Variants in RUNX3 observed in about 807,000 individuals in gnomAD.
RUNX3 encodes RUNX family transcription factor 3.
A neutral mutation model predicts 27.7 loss-of-function variants in RUNX3; 10 were observed. The ratio of observed to expected loss-of-function variants is 0.36; its 90% CI spans 0.22 to 0.61. The LOEUF is 0.61. Among genes scored for constraint, RUNX3 ranks in the 20% least tolerant of loss-of-function variants. RUNX3 has a pLI of 0.72. For synonymous variants in RUNX3, 270 were observed against 269.2 expected, an observed-to-expected ratio of 1.00 and a Z score of -0.03; for missense variants, 469 against 629.5, an observed-to-expected ratio of 0.75 and a Z score of 2.73.
chr1:24,908,103 C>T (rs1388259100), intron 3 of RUNX3, among the ~76,000 whole-genome samples: 1 of 149,306 alleles, frequency 6.7e-6, no homozygotes, highest in Non-Finnish European at 1.5e-5. Context: ...TGATCCGAAC[C>T]TCTACGACAC....
intron 2 of RUNX3, among the ~76,000 whole-genome samples, chr1:24,952,145 C>T (rs537628141): frequency 6.6e-6 from 1 of 152,156 alleles, no homozygotes; most frequent in South Asian, 2.1e-4. Context: ...TGTGCTTTTC[C>T]CTTTTGTATT....
intron 3 of RUNX3, among the ~76,000 whole-genome samples, chr1:24,907,975 A>C (rs564668010): frequency 6.6e-6 from 1 of 151,954 alleles, no homozygotes; most frequent in Non-Finnish European, 1.5e-5. Flanking sequence ...CGGTGATCTA[A>C]ACCTCTACAA....
intron 2 of RUNX3, among the ~76,000 whole-genome samples, chr1:24,925,796 G>A (rs1641087781): frequency 6.6e-6 from 1 of 152,004 alleles, no homozygotes; most frequent in African/African-American, 2.4e-5. Context: ...TATAAACTCA[G>A]CCTCTTGCAT....
intron 3 of RUNX3, among the ~76,000 whole-genome samples, chr1:24,908,148 CG>C (rs1640714977): frequency 1.6e-5 from 2 of 125,334 alleles, no homozygotes; most frequent in Non-Finnish European, 1.6e-5. Flanking sequence ...CGCGGTGATC[CG>C]AACCTCTACG....
At chr1:24,960,337 A>G (rs1456262046) in intron 2 of RUNX3, among the ~76,000 whole-genome samples, 8 of 152,200 alleles carry the variant, frequency 5.3e-5, no homozygotes, top group Non-Finnish European at 7.3e-5. Context: ...TGTAACCCCT[A>G]CAGATGAGGA....
chr1:24,963,285 G>A (rs572870495), intron 2 of RUNX3, among the ~76,000 whole-genome samples: 4 of 152,320 alleles, frequency 2.6e-5, no homozygotes, highest in Admixed American at 6.5e-5. Context: ...TCCCTGCCCC[G>A]AGCCGGCCAC....
In RUNX3 at chr1:24,929,732, C is replaced by G; in HGVS notation, c.137G>C (p.Gly46Ala). ...CGAGCGCACCTCGGGCCGGGCGCGC[C>G]CTCCGGGCCCCACGGCCGCCTGCGC... ...LSAQAAVGPG[G>A]RARPEVRSMV... The change falls in exon 1 of 5, where the codon GGG becomes GCG. Residue 46 changes from glycine to alanine, a missense_variant. Around this residue, in one of 3 missense-constraint regions of RUNX3, gnomAD observed 115 missense variants for 118.0 expected, o/e 0.97. Coordinates refer to ENST00000308873, the MANE Select transcript of RUNX3 (RefSeq NM_004350.3). 1 of 1,489,984 alleles carries G rather than the reference C, an allele frequency of 6.7e-7. No individual in the cohort carries two copies. The highest frequency in any genetic ancestry group is 1.5e-5 in the African/African-American group (1 of 68,436). The allele number at this position is 1,489,984 out of a possible 1,614,324, so 92.3% of individuals were successfully genotyped here.
rs561122322 is a variant in RUNX3, at chr1:24,899,633, G to C, written c.*2489C>G. On this transcript the variant is annotated 3_prime_UTR_variant, in exon 5 of 5. Transcript: ENST00000308873. ...GTTGTGCGTTAAAAACAAACACCAA[G>C]CAAACGATAGTGCAAAGCAGTTTCC... The C allele has an allele frequency of 6.5e-6, 1 of 152,800 alleles. No individual in the cohort carries two copies. Among genetic ancestry groups the C allele is most frequent in the East Asian group, 1.9e-4 (1 of 5,328 alleles). 9.5% of individuals were successfully genotyped at this position (152,800 alleles called of 1,614,324 possible).
intron 1 of RUNX3, chr1:24,929,352 C>T (rs1224037295): frequency 1.0e-5 from 7 of 695,958 alleles, no homozygotes; most frequent in Non-Finnish European, 7.9e-6. Context: ...CAAGGCGCCC[C>T]AAAACCCAGG....
chr1:24,938,685 G>A (rs1220502568), intron 2 of RUNX3, among the ~76,000 whole-genome samples: 2 of 152,134 alleles, frequency 1.3e-5, no homozygotes, highest in Non-Finnish European at 2.9e-5. Flanking sequence ...AGAGGCAGTG[G>A]GGGGCCTTTC....
chr1:24,941,917 C>T (rs1270987631), intron 2 of RUNX3, among the ~76,000 whole-genome samples: 1 of 152,332 alleles, frequency 6.6e-6, no homozygotes, highest in East Asian at 1.9e-4. Flanking sequence ...CTGTCATTTG[C>T]TGTTGGCATA....
At chr1:24,918,757 G>A (rs1375740883) in intron 3 of RUNX3, among the ~76,000 whole-genome samples, 1 of 152,128 alleles carries the variant, frequency 6.6e-6, no homozygotes, top group Non-Finnish European at 1.5e-5. Context: ...CCCGGACTCT[G>A]GGTGACCTGA....
chr1:24,907,403 G>A lies in RUNX3; in HGVS notation c.559C>T (p.Leu187=), dbSNP rs1367530212. Residue 187 remains leucine (L), a synonymous_variant, in exon 4 of 5, where the codon CTG becomes TTG. Coordinates refer to ENST00000308873, the MANE Select transcript of RUNX3 (RefSeq NM_004350.3). ...GGGAACGGCTTGGTCTGGTCCTCCA[G>A]CTTCTGCCGGTGCCCTGCAGAGCAC... ...PREPRRHRQK[L]EDQTKPFPDR... The A allele has an allele frequency of 6.2e-7, 1 of 1,613,368 alleles. No individual in the cohort carries two copies. The highest frequency in any genetic ancestry group is 2.2e-5 in the East Asian group (1 of 44,874).
chr1:24,937,448 G>T (rs1166758816), intron 2 of RUNX3, among the ~76,000 whole-genome samples: 1 of 152,238 alleles, frequency 6.6e-6, no homozygotes, highest in Non-Finnish European at 1.5e-5. Flanking sequence ...ATCCCGGGGA[G>T]TAGGGTTTCT....
At position 24,904,796 on chromosome 1, in the gene RUNX3, T is replaced by C. The variant is rs1324108427; in HGVS notation, c.704-2130A>G. Among the ~76,000 whole-genome samples, 1 of 151,666 alleles carries C rather than the reference T, an allele frequency of 6.6e-6. No homozygotes were observed. Among genetic ancestry groups the C allele is most frequent in the Non-Finnish European group, 1.5e-5 (1 of 67,848 alleles). Reference sequence around the variant, plus strand: ...GGCCACCACCCCTCCTCCGGGGTGGTGGGGGAAGTACCTGCCCTCAGCACT... The same window carrying C: ...GGCCACCACCCCTCCTCCGGGGTGGCGGGGGAAGTACCTGCCCTCAGCACT... On this transcript the variant is annotated intron_variant, in intron 4 of 4. Coordinates refer to ENST00000308873, the MANE Select transcript of RUNX3 (RefSeq NM_004350.3). This position sits in a 1 kb window ranked among gnomAD's most constrained non-coding sequence, Gnocchi z 5.7.
chr1:24,951,064 G>T (rs567849143), intron 2 of RUNX3, among the ~76,000 whole-genome samples: 8 of 152,132 alleles, frequency 5.3e-5, no homozygotes, highest in African/African-American at 1.9e-4. Context: ...AAATTAGCCG[G>T]TTGTGGTGGT....
chr1:24,937,023 A>G (rs541672866), intron 2 of RUNX3, among the ~76,000 whole-genome samples: 3 of 152,370 alleles, frequency 2.0e-5, no homozygotes, highest in South Asian at 2.1e-4. Flanking sequence ...AAATGGGCAT[A>G]CGGAGGTGGG....
intron 3 of RUNX3, among the ~76,000 whole-genome samples, chr1:24,912,476 C>G (rs1375247852): frequency 6.6e-6 from 1 of 152,120 alleles, no homozygotes; most frequent in Non-Finnish European, 1.5e-5. Flanking sequence ...AGTCCAGGAG[C>G]CCCTCCTCCA....
At chr1:24,905,559 G>A (rs1415422575) in intron 4 of RUNX3, among the ~76,000 whole-genome samples, 1 of 152,238 alleles carries the variant, frequency 6.6e-6, no homozygotes, top group East Asian at 1.9e-4. Flanking sequence ...CACAGGCTGG[G>A]CTCCTTTCCT....
Sources: allele counts gnomAD v4.1 joint callset (sites outside exome capture counted in the v4.1 genomes callset), GRCh38; gene constraint gnomAD v4.1.1; regional missense constraint gnomAD v4.1.1; non-coding constraint Gnocchi (gnomAD v3.1); transcripts MANE v1.5; gene names NCBI Gene and HGNC (gene_info 2026-07-23, HGNC 2026-07-21).